Variants in RBFOX1 observed in about 807,000 individuals in gnomAD.
RBFOX1 encodes the protein RNA binding fox-1 homolog 1.
Under a neutral mutation model 57.7 loss-of-function variants are expected in RBFOX1, and 8 were observed. The observed-to-expected ratio is 0.14, with a 90% CI of 0.08 to 0.25. The LOEUF (loss-of-function observed/expected upper bound fraction) is 0.25, where lower values mean the gene tolerates loss of function less well. RBFOX1 is among the 10% of genes least tolerant of loss of function. The pLI, the probability that RBFOX1 is intolerant of heterozygous loss-of-function variation, is 1.00. For synonymous variants in RBFOX1, 326 were observed against 222.4 expected, an observed-to-expected ratio of 1.47 and a Z score of -4.15; for missense variants, 611 against 548.5, an observed-to-expected ratio of 1.11 and a Z score of -1.14.
chr16:5,349,133 A>C (rs949850516), intron 1 of RBFOX1, among the ~76,000 whole-genome samples: 2 of 152,224 alleles, frequency 1.3e-5, no homozygotes, highest in East Asian at 3.8e-4. Context: ...ATCCCGACAT[A>C]TGCAACAACA....
rs191089379 is a variant in RBFOX1, at chr16:7,030,615, C to A, written c.-15-21442C>A. Among the ~76,000 whole-genome samples, 8 of 152,202 alleles carry A rather than the reference C, an allele frequency of 5.3e-5. No homozygotes were observed. In the East Asian group the frequency reaches 9.7e-4, roughly 18 times the overall value. On this transcript the variant is annotated intron_variant, in intron 3 of 15. Coordinates refer to ENST00000550418, the MANE Select transcript of RBFOX1 (RefSeq NM_018723.4). The stretch of plus-strand genomic sequence containing the variant: ...TTTGCTATTTCGTATGTGGACACTC[C>A]CTTTGGATCTAGGACCTACTCTAAT...
intron 1 of RBFOX1, among the ~76,000 whole-genome samples, chr16:6,288,758 C>T (rs1210069793): frequency 6.6e-6 from 1 of 152,132 alleles, no homozygotes; most frequent in Non-Finnish European, 1.5e-5. Context: ...AAGCAGATAG[C>T]ACCTGAATAC....
chr16:5,864,262 G>C (rs183734529), intron 3 of RBFOX1, among the ~76,000 whole-genome samples: 34 of 152,304 alleles, frequency 2.2e-4, no homozygotes, highest in African/African-American at 7.9e-4. Context: ...GCAAAGACAA[G>C]GTCTCTTGTT....
At chr16:7,678,450 G>C (rs1000509294) in intron 14 of RBFOX1, among the ~76,000 whole-genome samples, 7 of 152,106 alleles carry the variant, frequency 4.6e-5, no homozygotes, top group African/African-American at 1.7e-4. Context: ...ATGTGGTTCA[G>C]CTGCAACCCT....
At chr16:6,636,517 T>A (rs759855647) in intron 2 of RBFOX1, among the ~76,000 whole-genome samples, 10 of 151,914 alleles carry the variant, frequency 6.6e-5, no homozygotes, top group African/African-American at 9.7e-5. Context: ...AATAACAATA[T>A]TAAAAAATTA....
chr16:5,568,533 C>G (rs1277148376), intron 2 of RBFOX1, among the ~76,000 whole-genome samples: 1 of 152,126 alleles, frequency 6.6e-6, no homozygotes, highest in Admixed American at 6.5e-5. Context: ...GATAAGCGCG[C>G]AGGGGTTTGG....
intron 3 of RBFOX1, among the ~76,000 whole-genome samples, chr16:6,908,921 C>A (rs1011639862): frequency 6.6e-6 from 1 of 152,120 alleles, no homozygotes; most frequent in African/African-American, 2.4e-5. Context: ...ACTGCAGCTG[C>A]TAGGATAATT....
Position 5,748,133 on chromosome 16 carries a change from C to T in RBFOX1, c.319-119170C>T, listed in dbSNP as rs545738397. On this transcript the variant is annotated intron_variant, in intron 3 of 19. Transcript: ENST00000641259. ...ATTTCTGCCTTCATTTCGTTATGTA[C>T]CCAGTAGTCTTTCAGGAGCAGGTTG... 2.2e-4 allele frequency among the ~76,000 whole-genome samples: 34 copies of T among 152,232 alleles called. No homozygotes were observed. In the South Asian group the frequency reaches 6.4e-3, roughly 29 times the overall value.
chr16:6,346,625 A>C (rs1333181518), intron 2 of RBFOX1, among the ~76,000 whole-genome samples: 7 of 152,212 alleles, frequency 4.6e-5, no homozygotes, highest in Non-Finnish European at 1.0e-4. Context: ...TGGCAGCCTG[A>C]TTCTCGAATT....
chr16:6,066,977 G>A (rs1205944428), intron 1 of RBFOX1, among the ~76,000 whole-genome samples: 7 of 152,088 alleles, frequency 4.6e-5, no homozygotes, highest in Non-Finnish European at 7.3e-5. Context: ...GGGGGAGGGC[G>A]GCAGGGAGAA....
intron 3 of RBFOX1, among the ~76,000 whole-genome samples, chr16:5,745,575 C>T (rs1038129156): frequency 6.6e-6 from 1 of 152,158 alleles, no homozygotes; most frequent in East Asian, 1.9e-4. Flanking sequence ...TAAAAGTGTT[C>T]CTATTTCTCC....
intron 2 of RBFOX1, among the ~76,000 whole-genome samples, chr16:5,520,381 G>A (rs1397675392): frequency 6.6e-6 from 1 of 152,218 alleles, no homozygotes; most frequent in African/African-American, 2.4e-5. Flanking sequence ...AAGAGGCAGA[G>A]TGGTACAGCT....
intron 4 of RBFOX1, among the ~76,000 whole-genome samples, chr16:5,977,245 C>A (rs2060083123): frequency 6.6e-6 from 1 of 152,166 alleles, no homozygotes; most frequent in South Asian, 2.1e-4. Flanking sequence ...GATGATGGCT[C>A]CTCACCACCT....
At chr16:6,866,358 G>T (rs2059907141) in intron 3 of RBFOX1, among the ~76,000 whole-genome samples, 1 of 151,710 alleles carries the variant, frequency 6.6e-6, no homozygotes, top group Admixed American at 6.6e-5. Context: ...TGTAATAATG[G>T]AACTCTGTTG....
At chr16:7,368,285 A>G (rs2097501034) in intron 4 of RBFOX1, among the ~76,000 whole-genome samples, 1 of 149,850 alleles carries the variant, frequency 6.7e-6, no homozygotes, top group Non-Finnish European at 1.5e-5. Context: ...AAAAAGAGAG[A>G]GAAGAAAGGC....
intron 3 of RBFOX1, among the ~76,000 whole-genome samples, chr16:6,996,211 C>G (rs996756180): frequency 1.2e-4 from 18 of 152,188 alleles, no homozygotes; most frequent in African/African-American, 2.7e-4. Context: ...TCCTAGCCAT[C>G]TTGAATACAG....
intron 3 of RBFOX1, among the ~76,000 whole-genome samples, chr16:6,766,088 C>A (rs534390345): frequency 1.8e-4 from 27 of 152,076 alleles, no homozygotes; most frequent in African/African-American, 6.5e-4. Flanking sequence ...TGCAATTCAT[C>A]CATGTAACCA....
chr16:6,710,380 C>A (rs910294749), intron 3 of RBFOX1, among the ~76,000 whole-genome samples: 1 of 152,018 alleles, frequency 6.6e-6, no homozygotes, highest in African/African-American at 2.4e-5. Context: ...CCCAAATATC[C>A]AAAGCATGAT....
intron 10 of RBFOX1, among the ~76,000 whole-genome samples, chr16:7,609,670 G>C (rs1470958795): frequency 6.6e-6 from 1 of 152,172 alleles, no homozygotes; most frequent in Admixed American, 6.5e-5. Context: ...TTTTCCAAAT[G>C]AGGATACCAA....
Sources: gnomAD v4.1 joint callset for allele counts (sites outside exome capture counted in the v4.1 genomes callset) on GRCh38, gnomAD v4.1.1 for gene constraint, MANE v1.5 for transcripts, NCBI Gene and HGNC (gene_info 2026-07-23, HGNC 2026-07-21) for gene names.